RYR1: variants seen among roughly 807,000 people sequenced by gnomAD.
RYR1 encodes ryanodine receptor 1.
RYR1 carries 342 observed loss-of-function variants against 583.5 expected under a neutral mutation model. That is an observed-to-expected ratio of 0.59 (90% CI 0.54 to 0.64). The LOEUF (loss-of-function observed/expected upper bound fraction) is 0.64, where lower values mean the gene tolerates loss of function less well. RYR1 is among the 30% of genes least tolerant of loss of function. The pLI is 0.00. For missense variants in RYR1, 6,032 were observed against 6,917.2 expected (o/e 0.87, Z 4.54); for synonymous variants, 2,791 against 2,822.5 (o/e 0.99, Z 0.35).
chr19:38,463,385 G>C, intron 20 of RYR1, 38 bp from the exon 21 acceptor site: 1 of 1,572,644 alleles, frequency 6.4e-7, no homozygotes. Flanking sequence ...GGAGGGTAGA[G>C]GGACCTTGGG....
At chr19:38,465,378 G>A (rs1968039302) in intron 23 of RYR1, among the ~76,000 whole-genome samples, 1 of 152,100 alleles carries the variant, frequency 6.6e-6, no homozygotes, top group Non-Finnish European at 1.5e-5. Context: ...TGAGATGGGA[G>A]AATTGCTTGA....
rs758306901 is a variant in RYR1 at position 38,532,760 on chromosome 19, G to T, written c.11259+24G>T. The T allele has an allele frequency of 5.0e-6, 8 of 1,612,050 alleles. No individual in the cohort carries two copies. In the African/African-American group the frequency reaches 1.1e-4, roughly 22 times the overall value. On this transcript the variant is annotated intron_variant, in intron 78 of 105. Coordinates refer to ENST00000359596, the MANE Select transcript of RYR1 (RefSeq NM_000540.3). ...AGGTAGGTGGGCTCAGGAGGTCCTGGAGGGAAGGGATGGGGGACCCTGACT... is the reference window on the plus strand; with the variant it reads ...AGGTAGGTGGGCTCAGGAGGTCCTGTAGGGAAGGGATGGGGGACCCTGACT...
chr19:38,507,043 AG>A (rs1813260959), intron 57 of RYR1, 91 bp downstream of exon 57: 18 of 1,584,460 alleles, frequency 1.1e-5, no homozygotes, highest in Non-Finnish European at 1.5e-5. Flanking sequence ...GGTGGAGCCG[AG>A]AGGAACGGGG....
intron 25 of RYR1, 142 bp from the exon 26 acceptor site, chr19:38,468,824 G>C (rs1968261139): frequency 1.2e-6 from 1 of 804,176 alleles, no homozygotes. Flanking sequence ...AGACACTGTG[G>C]GGTGACCCCT....
intron 105 of RYR1, among the ~76,000 whole-genome samples, chr19:38,586,983 T>G: frequency 6.6e-6 from 1 of 151,670 alleles, no homozygotes; most frequent in Non-Finnish European, 1.5e-5. Flanking sequence ...AAAAAATGGG[T>G]TTGGGCTGGG....
intron 101 of RYR1, among the ~76,000 whole-genome samples, chr19:38,583,223 G>A (rs776383250): frequency 6.6e-5 from 10 of 151,676 alleles, no homozygotes; most frequent in Admixed American, 2.6e-4. Flanking sequence ...CTTGAACCCC[G>A]GAGGCGGAGG....
chr19:38,478,836 T>TGCAA (rs1412136357), intron 31 of RYR1, among the ~76,000 whole-genome samples: 2 of 152,208 alleles, frequency 1.3e-5, no homozygotes, highest in Admixed American at 6.5e-5. Context: ...GGGACGATCT[T>TGCAA]GGCTCACTGC....
intron 88 of RYR1, among the ~76,000 whole-genome samples, chr19:38,547,800 G>A (rs1383426221): frequency 6.7e-6 from 1 of 149,320 alleles, no homozygotes; most frequent in African/African-American, 2.5e-5. Flanking sequence ...TGCAACCTCC[G>A]CCTCCCAGGT....
chr19:38,485,949 T>C lies in RYR1; in HGVS notation c.5294T>C (p.Val1765Ala). The part of the protein sequence containing the change: ...NGHPRHGLPG[V>A]GVTTSLRPPH... The stretch of plus-strand genomic sequence containing the variant: ...CACCCCCGGCATGGCCTGCCGGGAG[T>C]TGGAGTCACCACTTCGCTGAGGCCC... Residue 1765 changes from valine (V) to alanine (A), a missense_variant, in exon 34 of 106, where the codon GTT (valine) becomes GCT (alanine). Transcript: ENST00000359596. 6.2e-7 allele frequency: 1 copy of C among 1,613,524 alleles called. No homozygotes were observed. The highest frequency in any genetic ancestry group is 8.5e-7 in the Non-Finnish European group (1 of 1,179,926).
rs1350664482 is a variant in RYR1, at chr19:38,535,223, AAC to A, written c.11439+5_11439+6del. ...GAGGCAATGCTGAGGTCCAGCAGGTAACAGAGGCAAAGGGACTTCAGAAGAAG... is the reference window on the plus strand; with the variant it reads ...GAGGCAATGCTGAGGTCCAGCAGGTAAGAGGCAAAGGGACTTCAGAAGAAG... On this transcript the variant is annotated splice_donor_5th_base_variant and intron_variant, in intron 80 of 105. Transcript: ENST00000359596. 6.2e-7 allele frequency: 1 copy of A among 1,613,994 alleles called. No homozygotes were observed. Among genetic ancestry groups the A allele is most frequent in the Non-Finnish European group, 8.5e-7 (1 of 1,180,010 alleles).
At chr19:38,449,400 G>A (rs961229940) in intron 11 of RYR1, among the ~76,000 whole-genome samples, 1 of 152,062 alleles carries the variant, frequency 6.6e-6, no homozygotes. Flanking sequence ...GTGGAGGTTG[G>A]GAGTGAGCCA....
chr19:38,551,312 A>G (rs1273042229), intron 89 of RYR1, among the ~76,000 whole-genome samples: 1 of 150,222 alleles, frequency 6.7e-6, no homozygotes, highest in Non-Finnish European at 1.5e-5. Context: ...CAAATTCCCA[A>G]CCTCAAGTGA....
rs1973352010 is a variant in RYR1, at chr19:38,565,305, C to T, written c.12971C>T (p.Thr4324Met). 6 of 1,100,838 alleles carry T rather than the reference C, an allele frequency of 5.5e-6. No homozygotes were observed. Among genetic ancestry groups the T allele is most frequent in the East Asian group, 5.3e-5 (1 of 19,028 alleles). The allele number at this position is 1,100,838 out of a possible 1,614,324, so 68.2% of individuals were successfully genotyped here. A position where few individuals can be genotyped will look rare whatever the true frequency, so the allele number is the denominator to read the frequency against. The change falls in exon 91 of 106, where the codon ACG becomes ATG. Residue 4324 changes from threonine (T) to methionine (M), a missense_variant. Physicochemically the swap from Thr to Met is moderately conservative, Grantham distance 81. Coordinates refer to ENST00000359596, the MANE Select transcript of RYR1 (RefSeq NM_000540.3). This position sits in a 1 kb window ranked among gnomAD's most constrained non-coding sequence, Gnocchi z 4.7. The stretch of plus-strand genomic sequence containing the variant: ...CGCGTGCGGCGGCTGCGGCGGCTTA[C>T]GGCCCGCGAGGCGGCCACCGCAGTG... ...RRRVRRLRRL[T>M]AREAATAVAA...
intron 50 of RYR1, 22 bp downstream of exon 50, chr19:38,504,382 A>C: frequency 6.2e-7 from 1 of 1,611,830 alleles, no homozygotes; most frequent in Non-Finnish European, 8.5e-7. Context: ...AGGGAGCCCC[A>C]AAATGGCCTA....
At chr19:38,446,181 A>G (rs1972933114) in intron 7 of RYR1, among the ~76,000 whole-genome samples, 1 of 151,978 alleles carries the variant, frequency 6.6e-6, no homozygotes, top group African/African-American at 2.4e-5. Flanking sequence ...CAACCTCAAA[A>G]GTCCAAACTC....
intron 34 of RYR1, among the ~76,000 whole-genome samples, chr19:38,488,841 G>A (rs996956600): frequency 1.3e-5 from 2 of 152,204 alleles, no homozygotes; most frequent in African/African-American, 4.8e-5. Flanking sequence ...GCTGGTGTAT[G>A]CTGGGAGCTA....
chr19:38,582,907 C>T (rs1376224397), intron 101 of RYR1, among the ~76,000 whole-genome samples: 2 of 152,168 alleles, frequency 1.3e-5, no homozygotes, highest in South Asian at 2.1e-4. Context: ...CTTCCAGACA[C>T]GGCCTCGCTG....
chr19:38,442,289 G>C (rs1379424671), intron 2 of RYR1, 60 bp from the exon 3 acceptor site: 1 of 1,141,538 alleles, frequency 8.8e-7, no homozygotes, highest in African/African-American at 1.5e-5. Flanking sequence ...GTGTGGCAGG[G>C]AATGTTGCTG....
chr19:38,555,038 C>T (rs140550047), intron 89 of RYR1, among the ~76,000 whole-genome samples: 1 of 152,200 alleles, frequency 6.6e-6, no homozygotes, highest in Non-Finnish European at 1.5e-5. Context: ...GAAAACGAAC[C>T]CCATACCCAT....
Sources: gnomAD v4.1 joint callset for allele counts (sites outside exome capture counted in the v4.1 genomes callset) on GRCh38, gnomAD v4.1.1 for gene constraint, Gnocchi (gnomAD v3.1) non-coding constraint, MANE v1.5 for transcripts, NCBI Gene and HGNC (gene_info 2026-07-23, HGNC 2026-07-21) for gene names.